Variants in GALNT3 observed in about 807,000 individuals in gnomAD.
GALNT3 encodes polypeptide N-acetylgalactosaminyltransferase 3.
In GALNT3, 51 loss-of-function variants were observed where a neutral mutation model predicts 69.8. That is an observed-to-expected ratio of 0.73 (90% confidence interval 0.58 to 0.92). GALNT3 has a LOEUF of 0.92. Ranked by LOEUF, GALNT3 falls within the 40% of genes least tolerant of loss-of-function variation. GALNT3 has a pLI of 0.00. For missense variants in GALNT3, 711 were observed against 760.0 expected, an observed-to-expected ratio of 0.94 and a Z score of 0.76; for synonymous variants, 265 against 248.5, an observed-to-expected ratio of 1.07 and a Z score of -0.63.
intron 1 of GALNT3, among the ~76,000 whole-genome samples, chr2:165,786,275 A>C (rs1683218178): frequency 6.6e-6 from 1 of 152,238 alleles, no homozygotes; most frequent in Non-Finnish European, 1.5e-5. Flanking sequence ...AGTTGCTTTT[A>C]GGCAACAGGA....
At chr2:165,779,271 CAA>C (rs1345317574) in intron 1 of GALNT3, among the ~76,000 whole-genome samples, 1 of 151,942 alleles carries the variant, frequency 6.6e-6, no homozygotes, top group Admixed American at 6.6e-5. Flanking sequence ...TACGAGCCAG[CAA>C]AAAAGAAATT....
intron 3 of GALNT3, among the ~76,000 whole-genome samples, chr2:165,763,508 G>T (rs2105412034): frequency 6.6e-6 from 1 of 152,164 alleles, no homozygotes; most frequent in Non-Finnish European, 1.5e-5. Context: ...ATAATTCTCA[G>T]ATTAAGCTTT....
chr2:165,758,797 C>T lies in GALNT3; in HGVS notation c.1141G>A (p.Asp381Asn), dbSNP rs752484366. The T allele has an allele frequency of 6.2e-7, 1 of 1,611,424 alleles. No individual in the cohort carries two copies. The highest frequency in any genetic ancestry group is 2.2e-5 in the East Asian group (1 of 44,744). Reference sequence around the variant, plus strand: ...CCTCCCCAGATTTCCATTTCTTCATCATAGCTTCCAATATACTCAAAATAT... The same window carrying T: ...CCTCCCCAGATTTCCATTTCTTCATTATAGCTTCCAATATACTCAAAATAT... ...KEYFEYIGSY[D>N]EEMEIWGGEN... The change falls in exon 6 of 11, where the codon GAT (aspartate) becomes AAT (asparagine). Residue 381 changes from aspartate (D) to asparagine (N), a missense_variant. Physicochemically the swap from Asp to Asn is conservative, Grantham distance 23 (BLOSUM62 1). Transcript: ENST00000392701.
At chr2:165,780,103 C>G (rs1683070953) in intron 1 of GALNT3, among the ~76,000 whole-genome samples, 1 of 152,178 alleles carries the variant, frequency 6.6e-6, no homozygotes, top group Non-Finnish European at 1.5e-5. Flanking sequence ...GTCAACTTTA[C>G]AAAGGGGAAG....
At chr2:165,764,016 A>G (rs952834882) in intron 3 of GALNT3, among the ~76,000 whole-genome samples, 13 of 152,234 alleles carry the variant, frequency 8.5e-5, no homozygotes, top group Admixed American at 5.2e-4. Context: ...ACTTGGATTT[A>G]TTAAGGAATA....
At chr2:165,786,386 A>G (rs2105230666) in intron 1 of GALNT3, among the ~76,000 whole-genome samples, 1 of 152,296 alleles carries the variant, frequency 6.6e-6, no homozygotes, top group African/African-American at 2.4e-5. Flanking sequence ...TAAGTAGGAT[A>G]AATGTACAGT....
At chr2:165,772,425 A>G (rs560295342) in intron 1 of GALNT3, among the ~76,000 whole-genome samples, 4 of 152,070 alleles carry the variant, frequency 2.6e-5, no homozygotes, top group Non-Finnish European at 4.4e-5. Flanking sequence ...TCCTACAAAA[A>G]AATACAAAAA....
intron 1 of GALNT3, among the ~76,000 whole-genome samples, chr2:165,787,582 A>G (rs545446005): frequency 1.5e-4 from 23 of 152,324 alleles, no homozygotes; most frequent in Admixed American, 1.4e-3. Context: ...ATGATGATAG[A>G]GATAGGAATG....
chr2:165,775,698 C>T (rs1388921111), intron 1 of GALNT3, among the ~76,000 whole-genome samples: 1 of 152,152 alleles, frequency 6.6e-6, no homozygotes, highest in African/African-American at 2.4e-5. Context: ...TTAGGCTTCA[C>T]CTCTGATTTA....
intron 9 of GALNT3, among the ~76,000 whole-genome samples, chr2:165,753,432 A>T (rs1275548063): frequency 6.6e-6 from 1 of 150,928 alleles, no homozygotes; most frequent in South Asian, 2.1e-4. Context: ...TTCAAATATC[A>T]TCTTTCTCAG....
intron 2 of GALNT3, among the ~76,000 whole-genome samples, chr2:165,767,016 G>C (rs1287699825): frequency 6.6e-6 from 1 of 151,834 alleles, no homozygotes; most frequent in African/African-American, 2.4e-5. Context: ...GTGCATGGGC[G>C]GAAAAAATAA....
chr2:165,761,697 A>G, intron 4 of GALNT3: 1 of 717,812 alleles, frequency 1.4e-6, no homozygotes, highest in Admixed American at 2.0e-5. Context: ...ACTTAAACAC[A>G]AAAGGAGATA....
Position 165,788,201 on chromosome 2 carries a change from C to T in GALNT3, c.-109+5814G>A, listed in dbSNP as rs576842767. Among the ~76,000 whole-genome samples, 198 of 151,288 alleles carry T rather than the reference C, an allele frequency of 1.3e-3. 1 individual carries two copies. The Middle Eastern group carries it at 0.038, about 29-fold the overall frequency. On this transcript the variant is annotated intron_variant, in intron 1 of 10. Transcript: ENST00000392701. ...AAAATTAGCCAGGCACCTGTAGTCCCGGCTACTTGGGAGGCTGAGGCAGGA... is the reference window on the plus strand; with the variant it reads ...AAAATTAGCCAGGCACCTGTAGTCCTGGCTACTTGGGAGGCTGAGGCAGGA...
In GALNT3 at chr2:165,762,025, C is replaced by A. The variant is rs146978168; in HGVS notation, c.718G>T (p.Val240Leu). 6.3e-7 allele frequency: 1 copy of A among 1,585,748 alleles called. No homozygotes were observed. Among genetic ancestry groups the A allele is most frequent in the African/African-American group, 1.3e-5 (1 of 74,214 alleles). The change falls in exon 4 of 11, where the codon GTA becomes TTA. Residue 240 changes from valine to leucine, a missense_variant. Physicochemically the swap from Val to Leu is conservative, Grantham distance 32. Transcript: ENST00000392701. ...EYLHDKLDEY[V>L]KQFSIVKIVR... ...ATTTTTACTATAGAAAATTGTTTTA[C>A]ATATTCATCTAGTTTATCATGTAAG...
At chr2:165,762,163 AAC>A (rs1233642489) in intron 3 of GALNT3, 109 bp from the exon 4 acceptor site, 1 of 852,752 alleles carries the variant, frequency 1.2e-6, no homozygotes, top group African/African-American at 1.7e-5. Context: ...TCATAATCTT[AAC>A]AGTTGCATGT....
chr2:165,761,002 T>C (rs1688534775), intron 4 of GALNT3, among the ~76,000 whole-genome samples: 1 of 152,050 alleles, frequency 6.6e-6, no homozygotes, highest in Admixed American at 6.5e-5. Flanking sequence ...CCAAAGAAGA[T>C]GGGATGGGGC....
intron 3 of GALNT3, among the ~76,000 whole-genome samples, chr2:165,763,379 C>T (rs1451470878): frequency 6.6e-6 from 1 of 152,056 alleles, no homozygotes; most frequent in Non-Finnish European, 1.5e-5. Context: ...TTATTTAAAG[C>T]TTAAACATTC....
At chr2:165,781,162 G>C (rs1448925381) in intron 1 of GALNT3, among the ~76,000 whole-genome samples, 2 of 152,284 alleles carry the variant, frequency 1.3e-5, no homozygotes, top group East Asian at 3.9e-4. Flanking sequence ...TAAAGCTGAA[G>C]TGGTAGCATA....
intron 9 of GALNT3, among the ~76,000 whole-genome samples, chr2:165,751,251 G>A (rs776506959): frequency 6.6e-6 from 1 of 152,172 alleles, no homozygotes; most frequent in Non-Finnish European, 1.5e-5. Context: ...CAGGCACTGT[G>A]TTAAACTCTT....
Sources: allele counts gnomAD v4.1 joint callset (sites outside exome capture counted in the v4.1 genomes callset), GRCh38; gene constraint gnomAD v4.1.1; transcripts MANE v1.5; gene names NCBI Gene and HGNC (gene_info 2026-07-23, HGNC 2026-07-21).